Variants in ZNF568 observed in about 807,000 individuals in gnomAD.
ZNF568 encodes p53 inhibitor of SCO2 activation.
In ZNF568, 11 loss-of-function variants were observed where a neutral mutation model predicts 18.1. The observed-to-expected ratio is 0.61, with a 90% confidence interval of 0.38 to 1.00. The LOEUF is 1.00. Among genes scored for constraint, ZNF568 ranks in the 50% least tolerant of loss-of-function variants. The pLI, the probability that ZNF568 is intolerant of heterozygous loss-of-function variation, is 0.01. For missense variants in ZNF568, 639 were observed against 768.2 expected (o/e 0.83, Z 1.99); for synonymous variants, 213 against 246.6 (o/e 0.86, Z 1.28).
rs1191097321 is a variant in ZNF568 at position 36,949,712 on chromosome 19, C to A, written c.559C>A (p.His187Asn). 1 of 1,613,814 alleles carries A rather than the reference C, an allele frequency of 6.2e-7. No individual in the cohort carries two copies. The highest frequency in any genetic ancestry group is 1.7e-5 in the Admixed American group (1 of 60,010). The change falls in exon 7 of 7, where the codon CAT becomes AAT. Residue 187 changes from histidine to asparagine, a missense_variant. Coordinates refer to ENST00000333987, the MANE Select transcript of ZNF568 (RefSeq NM_198539.4). ...DCDSLDKGLE[H>N]NLDLLRYEKG... ...TGACTCACTTGATAAGGGTTTGGAA[C>A]ATAATTTAGACTTACTTAGATATGA...
intron 2 of ZNF568, among the ~76,000 whole-genome samples, chr19:36,921,179 C>T (rs754530882): frequency 2.6e-5 from 4 of 152,078 alleles, no homozygotes; most frequent in South Asian, 4.1e-4. Context: ...TGATCACTGT[C>T]GGCCAAGCAT....
At chr19:36,974,436 G>C (rs2074263916) in exon 7 of ZNF568, 1 of 1,536,120 alleles carries the variant, frequency 6.5e-7, no homozygotes, top group Non-Finnish European at 8.7e-7. Flanking sequence ...GAAGAGGAGA[G>C]AACTGCTGTG....
At chr19:36,990,833 A>G (rs1457391926) in intron 2 of ZNF568, among the ~76,000 whole-genome samples, 1 of 152,168 alleles carries the variant, frequency 6.6e-6, no homozygotes, top group Non-Finnish European at 1.5e-5. Context: ...AGAGGCAATG[A>G]GAAGTTTGTG....
At chr19:36,976,158 G>A (rs372383839) in intron 7 of ZNF568, among the ~76,000 whole-genome samples, 23 of 152,244 alleles carry the variant, frequency 1.5e-4, no homozygotes, top group Non-Finnish European at 2.5e-4. Context: ...CACCCCATCC[G>A]TGGTCCCACT....
chr19:36,972,269 G>A (rs1644643), intron 6 of ZNF568, among the ~76,000 whole-genome samples: 54,593 of 151,812 alleles, frequency 0.36, 10,092 homozygotes, highest in African/African-American at 0.41. Flanking sequence ...TTATTTTAGT[G>A]GCACTTTTCC....
At chr19:36,997,891 A>G, downstream of ZNF568, 1 of 346,438 alleles carries the variant, frequency 2.9e-6, no homozygotes, top group Non-Finnish European at 5.3e-6. Context: ...GAAAAATTGA[A>G]GACCTCCATG....
intron 6 of ZNF568, among the ~76,000 whole-genome samples, chr19:36,960,660 A>G (rs560541): frequency 0.59 from 89,692 of 151,192 alleles, 27,285 homozygotes; most frequent in African/African-American, 0.7. Flanking sequence ...TCTGGGAGGC[A>G]GAGGTTGCAG....
intron 4 of ZNF568, chr19:36,996,264 C>G (rs1160688685): frequency 8.3e-6 from 11 of 1,323,982 alleles, no homozygotes; most frequent in Non-Finnish European, 1.1e-5. Context: ...CAGGACTTTT[C>G]TTTGTCCTGC....
chr19:36,926,770 A>T (rs2073561858), intron 4 of ZNF568, among the ~76,000 whole-genome samples: 1 of 152,152 alleles, frequency 6.6e-6, no homozygotes, highest in South Asian at 2.1e-4. Flanking sequence ...AGCTTATTTC[A>T]TGTAATTATT....
At chr19:36,946,029 A>G (rs1337873565) in intron 6 of ZNF568, among the ~76,000 whole-genome samples, 1 of 151,978 alleles carries the variant, frequency 6.6e-6, no homozygotes, top group Admixed American at 6.6e-5. Context: ...CGGGAGGCGG[A>G]GGTTGCAGTG....
chr19:36,943,722 C>T (rs574723645), intron 6 of ZNF568, among the ~76,000 whole-genome samples: 11 of 152,094 alleles, frequency 7.2e-5, no homozygotes, highest in South Asian at 4.2e-4. Flanking sequence ...TAAAGGTGTG[C>T]GCCACCACAC....
At chr19:36,958,912 C>T (rs372958375) in intron 6 of ZNF568, among the ~76,000 whole-genome samples, 2 of 152,076 alleles carry the variant, frequency 1.3e-5, no homozygotes, top group Admixed American at 6.5e-5. Flanking sequence ...TGAGCCACCA[C>T]GCCCAGCCAG....
chr19:36,997,870 A>T (rs925540838), downstream of ZNF568: 4 of 387,766 alleles, frequency 1.0e-5, no homozygotes, highest in African/African-American at 8.3e-5. Flanking sequence ...ACACATCATG[A>T]TACAACTGGT....
At chr19:36,919,286 G>T (rs892597734) in intron 2 of ZNF568, among the ~76,000 whole-genome samples, 3 of 152,066 alleles carry the variant, frequency 2.0e-5, no homozygotes, top group African/African-American at 7.3e-5. Context: ...TTATGTTGAG[G>T]GGGGTGGGTG....
At chr19:36,959,324 G>A (rs1166074215) in intron 6 of ZNF568, among the ~76,000 whole-genome samples, 1 of 152,086 alleles carries the variant, frequency 6.6e-6, no homozygotes, top group African/African-American at 2.4e-5. Context: ...TAACTGATTT[G>A]CATACATTGA....
exon 4 of ZNF568, chr19:36,991,791 G>A (rs778627696): frequency 1.9e-6 from 3 of 1,581,376 alleles, no homozygotes; most frequent in Non-Finnish European, 2.6e-6. Flanking sequence ...CCTTATTGGA[G>A]CAGAAGAAAG....
chr19:36,971,159 G>T (rs943525592), intron 6 of ZNF568, among the ~76,000 whole-genome samples: 1 of 151,880 alleles, frequency 6.6e-6, no homozygotes, highest in African/African-American at 2.4e-5. Flanking sequence ...CTTGAACCCG[G>T]GAGGCAGAGG....
intron 6 of ZNF568, among the ~76,000 whole-genome samples, chr19:36,971,228 C>T (rs1318802195): frequency 6.7e-6 from 1 of 150,150 alleles, no homozygotes; most frequent in Admixed American, 6.6e-5. Context: ...AGCAAAACTC[C>T]GTCTCAAGAA....
intron 3 of ZNF568, chr19:36,991,401 T>C: frequency 7.4e-7 from 1 of 1,352,772 alleles, no homozygotes; most frequent in African/African-American, 1.5e-5. Flanking sequence ...CCAAGTGCTT[T>C]TCAAGTACCT....
Sources: gnomAD v4.1 joint callset for allele counts (sites outside exome capture counted in the v4.1 genomes callset) on GRCh38, gnomAD v4.1.1 for gene constraint, MANE v1.5 for transcripts, NCBI Gene and HGNC (gene_info 2026-07-23, HGNC 2026-07-21) for gene names.